COL16A1: variants seen among roughly 807,000 people sequenced by gnomAD.
The protein encoded by COL16A1 is collagen type XVI alpha 1 chain, also known as collagen alpha-1(XVI) chain.
COL16A1 carries 189 observed loss-of-function variants against 266.3 expected under a neutral mutation model. That is an observed-to-expected ratio of 0.71 (90% confidence interval 0.63 to 0.80). The LOEUF (loss-of-function observed/expected upper bound fraction) is 0.80. Ranked by LOEUF, COL16A1 falls within the 30% of genes least tolerant of loss-of-function variation. The probability of loss-of-function intolerance (pLI) is 0.00; values close to 1 mark genes in which losing one functional copy is unlikely to be tolerated. For missense variants in COL16A1, 1,928 were observed against 2,122.4 expected (o/e 0.91, Z 1.80); for synonymous variants, 740 against 782.3 (o/e 0.95, Z 0.90).
At chr1:31,677,037 C>G (rs1293493249) in intron 42 of COL16A1, among the ~76,000 whole-genome samples, 1 of 152,212 alleles carries the variant, frequency 6.6e-6, no homozygotes, top group Non-Finnish European at 1.5e-5. Context: ...TAGAGCAGTG[C>G]CTGGCACAGG....
At position 31,652,544 on chromosome 1, in the gene COL16A1, A is replaced by AAAC. The variant is rs1029779262; in HGVS notation, c.*104_*106dup. ...TTTAAAAAATATTAACAGCAATTAA[A>AAAC]AACAACAACAACAACAAAAAAAACA... On this transcript the variant is annotated 3_prime_UTR_variant, in exon 71 of 71. Transcript: ENST00000373672. This position sits in a 1 kb window ranked among gnomAD's most constrained non-coding sequence, Gnocchi z 4.8. 4.8e-6 allele frequency: 6 copies of AAAC among 1,252,082 alleles called. No individual in the cohort carries two copies. The highest frequency in any genetic ancestry group is 3.1e-5 in the African/African-American group (2 of 64,636). The allele number at this position is 1,252,082 out of a possible 1,614,324, so 77.6% of individuals were successfully genotyped here. A position where few individuals can be genotyped will look rare whatever the true frequency, so the allele number is the denominator to read the frequency against.
At chr1:31,666,108 T>C (rs1642120752) in intron 52 of COL16A1, 27 bp from the exon 53 acceptor site, 2 of 1,603,586 alleles carry the variant, frequency 1.2e-6, no homozygotes, top group African/African-American at 1.4e-5. Flanking sequence ...ACAGAATCAG[T>C]CACTCCTCCT....
At position 31,683,990 on chromosome 1, in the gene COL16A1, A is replaced by G. The variant is rs778153690; in HGVS notation, c.2297T>C (p.Leu766Pro). Residue 766 changes from leucine to proline, a missense_variant, in exon 33 of 71, where the codon CTA (leucine) becomes CCA (proline). Coordinates refer to ENST00000373672, the MANE Select transcript of COL16A1 (RefSeq NM_001856.4). Reference sequence around the variant, plus strand: ...TCCTGGGGGCCCTTGAACTCCTGGTAGACCGGGTTGGCCCTAAAAGGCATA... The same window carrying G: ...TCCTGGGGGCCCTTGAACTCCTGGTGGACCGGGTTGGCCCTAAAAGGCATA... ...GRPGKPGQPG[L>P]PGVQGPPGLK... 5.0e-6 allele frequency: 8 copies of G among 1,614,062 alleles called. No individual in the cohort carries two copies. In the South Asian group the frequency reaches 5.5e-5, roughly 11 times the overall value.
chr1:31,671,391 CT>C (rs1310182027), intron 48 of COL16A1, among the ~76,000 whole-genome samples: 4 of 152,174 alleles, frequency 2.6e-5, no homozygotes, highest in Non-Finnish European at 2.9e-5. Flanking sequence ...AGGACCTCCC[CT>C]AAGCAGGACC....
In COL16A1 at chr1:31,688,781, G is replaced by C; in HGVS notation, c.1767+80C>G. On this transcript the variant is annotated intron_variant, in intron 25 of 70. Coordinates refer to ENST00000373672, the MANE Select transcript of COL16A1 (RefSeq NM_001856.4). This position sits in a 1 kb window ranked among gnomAD's most constrained non-coding sequence, Gnocchi z 4.9. ...CCTCCTGATCCCTGCCCTGAGACTT[G>C]GGATCTGAAAAGCCAGGGAGATCAA... 7.0e-7 allele frequency: 1 copy of C among 1,426,114 alleles called. No homozygotes were observed. Among genetic ancestry groups the C allele is most frequent in the East Asian group, 2.5e-5 (1 of 40,698 alleles). 88.3% of individuals were successfully genotyped at this position (1,426,114 alleles called of 1,614,324 possible).
intron 8 of COL16A1, 51 bp from the exon 9 acceptor site, chr1:31,696,192 T>C (rs778487054): frequency 2.5e-6 from 4 of 1,575,380 alleles, no homozygotes; most frequent in East Asian, 4.5e-5. Context: ...AGTTCTGGGG[T>C]CCAGGCTGGA....
chr1:31,679,351 T>C, intron 42 of COL16A1: 1 of 1,443,634 alleles, frequency 6.9e-7, no homozygotes, highest in Non-Finnish European at 9.2e-7. Flanking sequence ...TGGGCCGGGC[T>C]CTGTACCAGG....
intron 42 of COL16A1, among the ~76,000 whole-genome samples, chr1:31,675,516 C>A (rs1212049866): frequency 6.6e-6 from 1 of 152,158 alleles, no homozygotes; most frequent in African/African-American, 2.4e-5. Flanking sequence ...AGAGCGACCC[C>A]CCAAACCGTC....
intron 58 of COL16A1, among the ~76,000 whole-genome samples, chr1:31,662,021 C>T (rs1433549026): frequency 1.3e-5 from 2 of 152,320 alleles, no homozygotes; most frequent in Admixed American, 6.5e-5. Context: ...TGTCCACACC[C>T]TCATTCTTCC....
In COL16A1 at chr1:31,685,537, C is replaced by T. The variant is rs542991063; in HGVS notation, c.2016+102G>A. 5 of 1,414,952 alleles carry T rather than the reference C, an allele frequency of 3.5e-6. No homozygotes were observed. The East Asian group carries it at 1.2e-4, about 34-fold the overall frequency. The allele number at this position is 1,414,952 out of a possible 1,614,324, so 87.6% of individuals were successfully genotyped here. A position where few individuals can be genotyped will look rare whatever the true frequency, so the allele number is the denominator to read the frequency against. On this transcript the variant is annotated intron_variant, in intron 29 of 70. Coordinates refer to ENST00000373672, the MANE Select transcript of COL16A1 (RefSeq NM_001856.4). This position sits in a 1 kb window ranked among gnomAD's most constrained non-coding sequence, Gnocchi z 4.0. The stretch of plus-strand genomic sequence containing the variant: ...CCCCGCCACACCCTCCCCACTACCC[C>T]CAACTGCCCAGGGAGTCAAGAGACC...
chr1:31,683,345 G>C lies in COL16A1; in HGVS notation c.2404C>G (p.Pro802Ala), dbSNP rs1414499855. ...TCAGGCAGACGTACCTGAATGCCAG[G>C]CAAACCCGGGGCTCCAGGCTCCCCC... ...PQGEPGAPGL[P>A]GIQGLPGPRG... is the part of the protein sequence containing the mutation. The change falls in exon 35 of 71, where the codon CCT becomes GCT. Residue 802 changes from proline to alanine, a missense_variant. Pro to Ala is a conservative substitution (Grantham distance 27, BLOSUM62 -1). Coordinates refer to ENST00000373672, the MANE Select transcript of COL16A1 (RefSeq NM_001856.4). 6.2e-7 allele frequency: 1 copy of C among 1,614,130 alleles called. No individual in the cohort carries two copies. The highest frequency in any genetic ancestry group is 8.5e-7 in the Non-Finnish European group (1 of 1,180,038).
At position 31,653,861 on chromosome 1, in the gene COL16A1, A is replaced by C; in HGVS notation, c.4534+6T>G. On this transcript the variant is annotated splice_donor_region_variant and intron_variant, in intron 69 of 70. Transcript: ENST00000373672. ...GTGTCCCTTGGGAACTGTAGGGCAG[A>C]GCTACCTCTTACTCCTGGCAAGCCC... 6 of 1,608,098 alleles carry C rather than the reference A, an allele frequency of 3.7e-6. No homozygotes were observed. The highest frequency in any genetic ancestry group is 4.5e-5 in the East Asian group (2 of 44,778).
Position 31,696,155 on chromosome 1 carries a change from G to A in COL16A1, c.865-14C>T, listed in dbSNP as rs1644490258. On this transcript the variant is annotated splice_polypyrimidine_tract_variant and intron_variant, in intron 8 of 70. Transcript: ENST00000373672. ...CTGGGCATCCACCTGGGCAGACAGA[G>A]CAAAGAGAAACCCTTGAGGAGGGGG... The A allele has an allele frequency of 9.3e-6, 15 of 1,613,148 alleles. No homozygotes were observed. Among genetic ancestry groups the A allele is most frequent in the Non-Finnish European group, 1.3e-5 (15 of 1,179,530 alleles).
At chr1:31,675,605 T>C (rs1332748239) in intron 42 of COL16A1, among the ~76,000 whole-genome samples, 2 of 152,234 alleles carry the variant, frequency 1.3e-5, no homozygotes, top group Non-Finnish European at 2.9e-5. Flanking sequence ...CTACTGTTTA[T>C]TTCTGTGCTA....
chr1:31,654,931 TG>T, intron 67 of COL16A1, 73 bp from the exon 68 acceptor site: 1 of 1,573,230 alleles, frequency 6.4e-7, no homozygotes. Flanking sequence ...AAATAAAGGA[TG>T]GGGAGGAAGG....
In COL16A1 at chr1:31,679,698, G is replaced by A. The variant is rs1367190248; in HGVS notation, c.2719-13C>T. The A allele has an allele frequency of 1.2e-6, 2 of 1,613,960 alleles. No homozygotes were observed. Among genetic ancestry groups the A allele is most frequent in the South Asian group, 2.2e-5 (2 of 91,076 alleles). On this transcript the variant is annotated splice_polypyrimidine_tract_variant and intron_variant, in intron 41 of 70. Coordinates refer to ENST00000373672, the MANE Select transcript of COL16A1 (RefSeq NM_001856.4). ...TACCTGGTGGACCCTGAGGGAGAGA[G>A]AAAAGAGTCAGAGCCAGCAGAGAGC...
chr1:31,698,331 A>C lies in COL16A1; in HGVS notation c.390+152T>G. 6.6e-7 allele frequency: 1 copy of C among 1,518,124 alleles called. No individual in the cohort carries two copies. The highest frequency in any genetic ancestry group is 8.9e-7 in the Non-Finnish European group (1 of 1,128,724). The allele number at this position is 1,518,124 out of a possible 1,614,324, so 94.0% of individuals were successfully genotyped here. On this transcript the variant is annotated intron_variant, in intron 5 of 70. Transcript: ENST00000373672. This position sits in a 1 kb window ranked among gnomAD's most constrained non-coding sequence, Gnocchi z 4.1. ...TCAAGGAGCTATACATCCTGAAAGA[A>C]TGAGGTAGGTACTGGTGGGCTGGGG... is the stretch of plus-strand genomic sequence containing the variant.
At position 31,655,250 on chromosome 1, in the gene COL16A1, C is replaced by T. The variant is rs559475574; in HGVS notation, c.4290+64G>A. The T allele has an allele frequency of 2.5e-5, 38 of 1,539,974 alleles. 2 individuals carry two copies. The South Asian group carries it at 2.8e-4, about 11-fold the overall frequency. ...GTCAGCAGGAGCTTGGAAGATGATC[C>T]GAGCTCCACCCCACATGCCTGCTCT... On this transcript the variant is annotated intron_variant, in intron 67 of 70. Transcript: ENST00000373672.
In COL16A1 at chr1:31,675,306, C is replaced by T; in HGVS notation, c.2778G>A (p.Val926=). 1 of 1,613,994 alleles carries T rather than the reference C, an allele frequency of 6.2e-7. No homozygotes were observed. The highest frequency in any genetic ancestry group is 8.5e-7 in the Non-Finnish European group (1 of 1,179,962). The part of the protein sequence containing the change: ...GPPGVPGLQG[V]PGNNGLPGQP... The stretch of plus-strand genomic sequence containing the variant: ...GTCCTGGCAAACCGTTGTTTCCAGG[C>T]ACTCCCTGTAGCCAAGAAGAGACAC... Residue 926 remains valine, a synonymous_variant, in exon 43 of 71, where the codon GTG becomes GTA. Transcript: ENST00000373672.
Sources: allele counts gnomAD v4.1 joint callset (sites outside exome capture counted in the v4.1 genomes callset), GRCh38; gene constraint gnomAD v4.1.1; non-coding constraint Gnocchi (gnomAD v3.1); transcripts MANE v1.5; gene names NCBI Gene and HGNC (gene_info 2026-07-23, HGNC 2026-07-21).